PALD1: variants seen among roughly 807,000 people sequenced by gnomAD.
The protein encoded by PALD1 is paladin.
A neutral mutation model predicts 96.0 loss-of-function variants in PALD1; 57 were observed. The observed-to-expected ratio is 0.59, with a 90% CI of 0.48 to 0.74. PALD1 has a LOEUF of 0.74. Ranked by LOEUF, PALD1 falls within the 30% of genes least tolerant of loss-of-function variation. The pLI, the probability that PALD1 is intolerant of heterozygous loss-of-function variation, is 0.00. For synonymous variants in PALD1, 464 were observed against 473.6 expected (o/e 0.98, Z 0.26); for missense variants, 1,063 against 1,143.7 (o/e 0.93, Z 1.02).
At chr10:70,510,087 G>A (rs886986366) in intron 1 of PALD1, among the ~76,000 whole-genome samples, 1 of 152,126 alleles carries the variant, frequency 6.6e-6, no homozygotes, top group African/African-American at 2.4e-5. Context: ...TTGGGGATGT[G>A]TGGGGCAAAT....
intron 15 of PALD1, 75 bp from the exon 16 acceptor site, chr10:70,541,027 T>C (rs1847231492): frequency 6.8e-7 from 1 of 1,475,620 alleles, no homozygotes. Flanking sequence ...GGGGCTGCCA[T>C]GTGGATGGGG....
rs925918997 is a variant in PALD1 at position 70,547,552 on chromosome 10, G to C, written c.2262+106G>C. ...TTTGGGGTTGCTAGGGGTCCTAGGG[G>C]CCCCTCCTTGGCTCGTGGTCACTTT... On this transcript the variant is annotated intron_variant, in intron 18 of 19. Coordinates refer to ENST00000263563, the MANE Select transcript of PALD1 (RefSeq NM_014431.3). 9 of 750,118 alleles carry C rather than the reference G, an allele frequency of 1.2e-5. No homozygotes were observed. The African/African-American group carries it at 1.2e-4, about 10-fold the overall frequency. The allele number at this position is 750,118 out of a possible 1,614,324, so 46.5% of individuals were successfully genotyped here. A position where few individuals can be genotyped will look rare whatever the true frequency, so the allele number is the denominator to read the frequency against.
chr10:70,564,592 G>GTGCCT, intron 19 of PALD1, 73 bp downstream of exon 19: 1 of 1,463,080 alleles, frequency 6.8e-7, no homozygotes, highest in Non-Finnish European at 9.4e-7. Flanking sequence ...CAGCCACTCA[G>GTGCCT]TGCCTGTACA....
At chr10:70,554,602 T>G (rs970833368) in intron 18 of PALD1, among the ~76,000 whole-genome samples, 22 of 152,138 alleles carry the variant, frequency 1.4e-4, no homozygotes, top group Non-Finnish European at 1.2e-4. Flanking sequence ...CTTCGTTGTT[T>G]CCTTTTGGGC....
At chr10:70,552,716 T>C (rs980136948) in intron 18 of PALD1, among the ~76,000 whole-genome samples, 2 of 152,234 alleles carry the variant, frequency 1.3e-5, no homozygotes, top group African/African-American at 2.4e-5. Flanking sequence ...CACACCGCCA[T>C]GATTGCCTCT....
chr10:70,474,410 A>C (rs551473760), upstream of PALD1, among the ~76,000 whole-genome samples: 5 of 151,978 alleles, frequency 3.3e-5, no homozygotes, highest in Non-Finnish European at 7.4e-5. Context: ...AAAATACAAA[A>C]ATTATCTGGG....
At chr10:70,475,802 G>T (rs1372764358), upstream of PALD1, among the ~76,000 whole-genome samples, 2 of 152,156 alleles carry the variant, frequency 1.3e-5, no homozygotes, top group Non-Finnish European at 2.9e-5. Flanking sequence ...GGGCTGATGG[G>T]GCAGTGGATG....
the PALD1 span, among the ~76,000 whole-genome samples, chr10:70,467,690 A>G: frequency 6.6e-6 from 1 of 152,290 alleles, no homozygotes; most frequent in South Asian, 2.1e-4. Flanking sequence ...GAATTTCTTC[A>G]TTTGTAAAAT....
intron 1 of PALD1, among the ~76,000 whole-genome samples, chr10:70,512,057 C>T (rs1280479687): frequency 6.6e-6 from 1 of 152,168 alleles, no homozygotes; most frequent in African/African-American, 2.4e-5. Context: ...TTGAATCCAC[C>T]GTGAGGACAG....
At chr10:70,527,946 A>G (rs1383003157) in intron 2 of PALD1, among the ~76,000 whole-genome samples, 2 of 149,384 alleles carry the variant, frequency 1.3e-5, no homozygotes, top group African/African-American at 4.9e-5. Context: ...CCACCCCACA[A>G]CAGGCCCTGG....
chr10:70,523,831 C>T (rs915015439), intron 1 of PALD1, among the ~76,000 whole-genome samples: 2 of 151,822 alleles, frequency 1.3e-5, no homozygotes, highest in African/African-American at 2.4e-5. Flanking sequence ...CTGGGAGGGC[C>T]GATGAGTCTG....
Position 70,533,051 on chromosome 10 carries a change from C to G in PALD1, c.851C>G (p.Ala284Gly). Reference protein sequence around the residue: ...QGSPLEAQLDAFVSVLRETPS... With the variant: ...QGSPLEAQLDGFVSVLRETPS... ...AGTCCCCTGGAGGCCCAGTTGGACGCCTTTGTCAGTGTTCTCCGGGTAACT... is the reference window on the plus strand; with the variant it reads ...AGTCCCCTGGAGGCCCAGTTGGACGGCTTTGTCAGTGTTCTCCGGGTAACT... The change falls in exon 7 of 20, where the codon GCC becomes GGC. Residue 284 changes from alanine (A) to glycine (G), a missense_variant. Coordinates refer to ENST00000263563, the MANE Select transcript of PALD1 (RefSeq NM_014431.3). 1 of 1,583,180 alleles carries G rather than the reference C, an allele frequency of 6.3e-7. No individual in the cohort carries two copies. The highest frequency in any genetic ancestry group is 8.6e-7 in the Non-Finnish European group (1 of 1,164,008).
chr10:70,468,772 T>C, the PALD1 span, among the ~76,000 whole-genome samples: 2 of 151,042 alleles, frequency 1.3e-5, no homozygotes, highest in African/African-American at 4.9e-5. Context: ...AGTCTCGCTC[T>C]GTCACCCAGG....
At chr10:70,472,349 C>A in the PALD1 span, among the ~76,000 whole-genome samples, 1,989 of 152,244 alleles carry the variant, frequency 0.013, 31 homozygotes, top group South Asian at 0.048. Context: ...CAACCTCTAC[C>A]TCCCGGGTTC....
chr10:70,474,652 T>G (rs1845801143), upstream of PALD1, among the ~76,000 whole-genome samples: 1 of 152,184 alleles, frequency 6.6e-6, no homozygotes, highest in Admixed American at 6.5e-5. Flanking sequence ...CTGGCCCTGG[T>G]GTAAAATGTA....
chr10:70,463,213 G>A, the PALD1 span, among the ~76,000 whole-genome samples: 675 of 152,280 alleles, frequency 4.4e-3, 7 homozygotes, highest in African/African-American at 0.014. Flanking sequence ...GACCATCCTG[G>A]CTAACACGGT....
chr10:70,554,574 GGT>G (rs1455852487), intron 18 of PALD1, among the ~76,000 whole-genome samples: 6 of 152,156 alleles, frequency 3.9e-5, no homozygotes, highest in South Asian at 2.1e-4. Flanking sequence ...AGCCCAGGGC[GGT>G]GACACCCGCA....
chr10:70,510,750 G>A (rs1412544046), intron 1 of PALD1, among the ~76,000 whole-genome samples: 5 of 152,354 alleles, frequency 3.3e-5, no homozygotes, highest in South Asian at 4.1e-4. Flanking sequence ...AGAGAGGCTT[G>A]TGGTCTTTCT....
intron 1 of PALD1, among the ~76,000 whole-genome samples, chr10:70,494,847 G>A (rs529742154): frequency 2.4e-3 from 362 of 152,336 alleles, no homozygotes; most frequent in African/African-American, 8.3e-3. Flanking sequence ...GATTGGTAAC[G>A]TGTTGAACTA....
Sources: allele counts gnomAD v4.1 joint callset (sites outside exome capture counted in the v4.1 genomes callset), GRCh38; gene constraint gnomAD v4.1.1; transcripts MANE v1.5; gene names NCBI Gene and HGNC (gene_info 2026-07-23, HGNC 2026-07-21).